NCOA3: variants seen among roughly 807,000 people sequenced by gnomAD.
The protein encoded by NCOA3 is CBP-interacting protein.
A neutral mutation model predicts 158.8 loss-of-function variants in NCOA3; 51 were observed. That is an observed-to-expected ratio of 0.32 (90% CI 0.26 to 0.41). The LOEUF (loss-of-function observed/expected upper bound fraction) is 0.41. Among genes scored for constraint, NCOA3 ranks in the 10% least tolerant of loss-of-function variants. The pLI is 1.00. For synonymous variants in NCOA3, 537 were observed against 592.4 expected, an observed-to-expected ratio of 0.91 and a Z score of 1.36; for missense variants, 1,510 against 1,746.6, an observed-to-expected ratio of 0.86 and a Z score of 2.41.
At chr20:47,607,222 G>T (rs1288132611) in intron 2 of NCOA3, among the ~76,000 whole-genome samples, 2 of 152,200 alleles carry the variant, frequency 1.3e-5, no homozygotes, top group African/African-American at 4.8e-5. Flanking sequence ...CCTGTTTGGT[G>T]TAAGGATTAT....
At chr20:47,505,119 C>T (rs62203113) in intron 1 of NCOA3, among the ~76,000 whole-genome samples, 101,920 of 121,360 alleles carry the variant, frequency 0.84, 43,729 homozygotes, top group East Asian at 0.91. Context: ...TGGAGTGCAG[C>T]GGCGCGATCT....
chr20:47,576,109 A>G (rs2085368722), intron 1 of NCOA3, among the ~76,000 whole-genome samples: 1 of 152,222 alleles, frequency 6.6e-6, no homozygotes, highest in Non-Finnish European at 1.5e-5. Context: ...ACTCCCAGGT[A>G]CTGAAATATA....
chr20:47,571,320 CTTT>C (rs768257246), intron 1 of NCOA3, among the ~76,000 whole-genome samples: 3 of 136,938 alleles, frequency 2.2e-5, no homozygotes, highest in Admixed American at 7.3e-5. Flanking sequence ...TCTTTTCTTT[CTTT>C]TTTTTTTTTT....
chr20:47,589,869 A>G (rs1392803215), intron 2 of NCOA3, among the ~76,000 whole-genome samples: 1 of 149,820 alleles, frequency 6.7e-6, no homozygotes, highest in Non-Finnish European at 1.5e-5. Flanking sequence ...TAGTCCCTGT[A>G]AACCAAGAAC....
chr20:47,553,580 G>A (rs1447846893), intron 1 of NCOA3, among the ~76,000 whole-genome samples: 1 of 129,760 alleles, frequency 7.7e-6, no homozygotes, highest in Non-Finnish European at 1.5e-5. Flanking sequence ...CCCGGTGTGT[G>A]ATGTTCCCCT....
At chr20:47,586,264 C>G (rs1568704240) in intron 2 of NCOA3, among the ~76,000 whole-genome samples, 1 of 151,996 alleles carries the variant, frequency 6.6e-6, no homozygotes, top group Non-Finnish European at 1.5e-5. Flanking sequence ...TATACATTTA[C>G]AAAAGTTACA....
At chr20:47,572,033 A>G (rs2085302912) in intron 1 of NCOA3, among the ~76,000 whole-genome samples, 2 of 152,016 alleles carry the variant, frequency 1.3e-5, no homozygotes, top group African/African-American at 4.8e-5. Context: ...TGGCCCTTTC[A>G]TTTTTATGTT....
At chr20:47,626,935 T>A in intron 5 of NCOA3, 67 bp from the exon 6 acceptor site, 1 of 1,365,018 alleles carries the variant, frequency 7.3e-7, no homozygotes, top group Non-Finnish European at 1.0e-6. Context: ...GAGTTTCAAT[T>A]TAAGAATTAG....
intron 2 of NCOA3, among the ~76,000 whole-genome samples, chr20:47,596,281 A>C (rs1297914692): frequency 1.3e-5 from 2 of 152,218 alleles, no homozygotes; most frequent in East Asian, 3.8e-4. Flanking sequence ...CTTTCCAAAA[A>C]TATAATGGAT....
intron 1 of NCOA3, among the ~76,000 whole-genome samples, chr20:47,504,478 C>CTTT (rs58220390): frequency 0.014 from 1,342 of 98,610 alleles, 48 homozygotes; most frequent in African/African-American, 0.049. Context: ...CTAAGTGTGT[C>CTTT]TTTTTTTTTT....
chr20:47,508,469 TC>T (rs914016957), intron 1 of NCOA3, among the ~76,000 whole-genome samples: 5 of 152,222 alleles, frequency 3.3e-5, no homozygotes, highest in Non-Finnish European at 5.9e-5. Flanking sequence ...GTGGTATTGT[TC>T]CTCCATCTCA....
At chr20:47,511,799 G>A (rs938367429) in intron 1 of NCOA3, among the ~76,000 whole-genome samples, 4 of 151,384 alleles carry the variant, frequency 2.6e-5, no homozygotes, top group East Asian at 1.9e-4. Flanking sequence ...TGATCTGCCC[G>A]TCTCCAAAAT....
intron 1 of NCOA3, among the ~76,000 whole-genome samples, chr20:47,515,286 C>T (rs1426895107): frequency 2.6e-5 from 4 of 151,734 alleles, no homozygotes; most frequent in Admixed American, 1.3e-4. Flanking sequence ...CCTCAGCCTC[C>T]CCAGTAGCTG....
At position 47,536,099 on chromosome 20, in the gene NCOA3, G is replaced by C. The variant is rs547251928; in HGVS notation, c.-99+34080G>C. 1.6e-4 allele frequency among the ~76,000 whole-genome samples: 25 copies of C among 152,246 alleles called. No homozygotes were observed. In the Middle Eastern group the frequency reaches 0.01, roughly 62 times the overall value. ...ATATGAGCACAAGATAGGGGGGCAT[G>C]GCAGGCCAAAAGGCAACTTTTTGGG... On this transcript the variant is annotated intron_variant, in intron 1 of 22. Coordinates refer to ENST00000371998, the MANE Select transcript of NCOA3 (RefSeq NM_181659.3).
chr20:47,552,267 T>G (rs1438925333), intron 1 of NCOA3, among the ~76,000 whole-genome samples: 3 of 152,220 alleles, frequency 2.0e-5, no homozygotes, highest in Non-Finnish European at 2.9e-5. Context: ...CCTGCCAGAT[T>G]AGAAGGCCAA....
In NCOA3 at chr20:47,574,813, G is replaced by A. The variant is rs112534561; in HGVS notation, c.-98-8370G>A. ...TTCAGTGTAAACTGAATGCTTTAGC[G>A]TAAACTCAGCATTCAACACAATGTC... On this transcript the variant is annotated intron_variant, in intron 1 of 22. Coordinates refer to ENST00000371998, the MANE Select transcript of NCOA3 (RefSeq NM_181659.3). Among the ~76,000 whole-genome samples the A allele has an allele frequency of 4.5e-4, 68 of 152,276 alleles. No homozygotes were observed. The South Asian group carries it at 6.8e-3, about 15-fold the overall frequency.
chr20:47,525,065 G>A (rs1339596580), intron 1 of NCOA3, among the ~76,000 whole-genome samples: 4 of 147,512 alleles, frequency 2.7e-5, no homozygotes, highest in Non-Finnish European at 6.0e-5. Context: ...GTTTTCCTAG[G>A]CAGAGGACCC....
chr20:47,584,764 G>A (rs2085508785), intron 2 of NCOA3, among the ~76,000 whole-genome samples: 2 of 152,056 alleles, frequency 1.3e-5, no homozygotes, highest in South Asian at 4.1e-4. Flanking sequence ...ACTGTCTTAG[G>A]CATGGCAGAA....
Position 47,634,175 on chromosome 20 carries a change from C to T in NCOA3, c.1092C>T (p.Val364=). ...NPVTNDRHGF[V]STHFLQREQN... ...TAACAAATGATCGACATGGCTTTGT[C>T]TCAACCCACTTCCTTCAGAGGTAAT... Residue 364 remains valine (V), a synonymous_variant, in exon 10 of 23, where the codon GTC becomes GTT. Coordinates refer to ENST00000371998, the MANE Select transcript of NCOA3 (RefSeq NM_181659.3). The T allele has an allele frequency of 1.2e-6, 2 of 1,614,004 alleles. No individual in the cohort carries two copies. Among genetic ancestry groups the T allele is most frequent in the Non-Finnish European group, 1.7e-6 (2 of 1,179,970 alleles).
Sources: allele counts gnomAD v4.1 joint callset (sites outside exome capture counted in the v4.1 genomes callset), GRCh38; gene constraint gnomAD v4.1.1; transcripts MANE v1.5; gene names NCBI Gene and HGNC (gene_info 2026-07-23, HGNC 2026-07-21).